The following ZBTB21 variants were observed in gnomAD, a reference collection of about 807,000 sequenced individuals.
ZBTB21 encodes zinc finger and BTB domain containing 21, also known as zinc finger and BTB domain-containing protein 21.
In ZBTB21, 10 loss-of-function variants were observed where a neutral mutation model predicts 39.8. That is an observed-to-expected ratio of 0.25 (90% CI 0.16 to 0.43). The LOEUF (loss-of-function observed/expected upper bound fraction) is 0.43, where lower values mean the gene tolerates loss of function less well. Among genes scored for constraint, ZBTB21 ranks in the 20% least tolerant of loss-of-function variants. The pLI, the probability that ZBTB21 is intolerant of heterozygous loss-of-function variation, is 1.00. For missense variants in ZBTB21, 1,221 were observed against 1,296.3 expected (o/e 0.94, Z 0.89); for synonymous variants, 551 against 498.8 (o/e 1.10, Z -1.40).
rs1456435834 is a variant in ZBTB21 at position 41,988,005 on chromosome 21, T to A, written c.*2890A>T. 1 of 152,140 alleles carries A rather than the reference T, an allele frequency of 6.6e-6. No individual in the cohort carries two copies. The highest frequency in any genetic ancestry group is 2.4e-5 in the African/African-American group (1 of 41,440). 9.4% of individuals were successfully genotyped at this position (152,140 alleles called of 1,614,324 possible). On this transcript the variant is annotated 3_prime_UTR_variant, in exon 3 of 3. Transcript: ENST00000310826. ...ACCAGAAAACCAAGAACATCACACA[T>A]CTCCCCACAAATGCAAAGAACATCA...
chr21:41,997,187 G>A (rs1473065503), intron 2 of ZBTB21, among the ~76,000 whole-genome samples: 1 of 152,160 alleles, frequency 6.6e-6, no homozygotes, highest in African/African-American at 2.4e-5. Flanking sequence ...CTCCCCAAGT[G>A]TTGGGATTAC....
intron 2 of ZBTB21, among the ~76,000 whole-genome samples, chr21:41,999,653 T>C (rs940890445): frequency 6.6e-6 from 1 of 152,204 alleles, no homozygotes; most frequent in African/African-American, 2.4e-5. Context: ...TACCAGAAAC[T>C]TCTCATGTCA....
chr21:41,993,537 T>C lies in ZBTB21; in HGVS notation c.559A>G (p.Asn187Asp). 2 of 1,614,202 alleles carry C rather than the reference T, an allele frequency of 1.2e-6. No individual in the cohort carries two copies. The highest frequency in any genetic ancestry group is 1.7e-6 in the Non-Finnish European group (2 of 1,180,034). Residue 187 changes from asparagine to aspartate, a missense_variant, in exon 3 of 3, where the codon AAT becomes GAT. Physicochemically the swap from Asn to Asp is conservative, Grantham distance 23 (BLOSUM62 1). This residue lies in a region of ZBTB21 where 500 missense variants were observed against 465.6 expected (regional missense o/e 1.07). Transcript: ENST00000310826. ...ATTGGTTTTGGGACATGTGGCTTAT[T>C]GGTATTGGCCTTGACTGCAATGCTA... is the stretch of plus-strand genomic sequence containing the variant. ...SPSIAVKANT[N>D]KPHVPKPIEP...
At chr21:42,003,811 C>T (rs544602813) in intron 1 of ZBTB21, among the ~76,000 whole-genome samples, 2 of 152,314 alleles carry the variant, frequency 1.3e-5, no homozygotes, top group South Asian at 2.1e-4. Flanking sequence ...CTACTATAGA[C>T]GCTTTTCAGA....
chr21:41,992,555 C>A lies in ZBTB21; in HGVS notation c.1541G>T (p.Gly514Val), dbSNP rs1477660116. 1 of 1,614,176 alleles carries A rather than the reference C, an allele frequency of 6.2e-7. No individual in the cohort carries two copies. The highest frequency in any genetic ancestry group is 1.1e-5 in the South Asian group (1 of 91,084). ...TGCATCAAGGAGAGTAGGGCTTGAG[C>A]CTTCCTCAAAATTATCTTCTGACAC... ...SPVSEDNFEE[G>V]SSPTLLDADF... is the part of the protein sequence containing the mutation. The change falls in exon 3 of 3, where the codon GGC (glycine) becomes GTC (valine). Residue 514 changes from glycine (G) to valine (V), a missense_variant. Transcript: ENST00000310826. This position sits in a 1 kb window ranked among gnomAD's most constrained non-coding sequence, Gnocchi z 4.1.
Position 41,991,787 on chromosome 21 carries a change from CA to C in ZBTB21, c.2308del (p.Cys770ValfsTer6). The C allele has an allele frequency of 1.2e-6, 2 of 1,614,238 alleles. No homozygotes were observed. Among genetic ancestry groups the C allele is most frequent in the Non-Finnish European group, 1.7e-6 (2 of 1,180,044 alleles). On this transcript the variant is annotated frameshift_variant, in exon 3 of 3. Coordinates refer to ENST00000310826, the MANE Select transcript of ZBTB21 (RefSeq NM_001098402.2). LOFTEE classifies it low-confidence loss of function (END_TRUNC). This position sits in a 1 kb window ranked among gnomAD's most constrained non-coding sequence, Gnocchi z 4.9. ...PELKQEHESK[C>X]EYKKLTCLEC... is the part of the protein sequence containing the mutation. ...GAGGCAGGTCAGCTTCTTATACTCA[CA>C]CTTGCTCTCGTGTTCTTGCTTCAGC... is the stretch of plus-strand genomic sequence containing the variant.
rs1304030464 is a variant in ZBTB21, at chr21:41,987,710, C to T, written c.*3185G>A. ...TGAAGTTCCAGATTACAGTTGTATACACACATGCATGCATGTGTGTACAAA... is the reference window on the plus strand; with the variant it reads ...TGAAGTTCCAGATTACAGTTGTATATACACATGCATGCATGTGTGTACAAA... On this transcript the variant is annotated 3_prime_UTR_variant, in exon 3 of 3. Coordinates refer to ENST00000310826, the MANE Select transcript of ZBTB21 (RefSeq NM_001098402.2). 1.3e-5 allele frequency: 2 copies of T among 151,808 alleles called. No homozygotes were observed. Among genetic ancestry groups the T allele is most frequent in the Non-Finnish European group, 2.9e-5 (2 of 67,870 alleles). The allele number at this position is 151,808 out of a possible 1,614,324, so 9.4% of individuals were successfully genotyped here. A position where few individuals can be genotyped will look rare whatever the true frequency, so the allele number is the denominator to read the frequency against.
At position 41,993,919 on chromosome 21, in the gene ZBTB21, G is replaced by A; in HGVS notation, c.177C>T (p.Phe59=). 2 of 1,614,102 alleles carry A rather than the reference G, an allele frequency of 1.2e-6. No homozygotes were observed. Among genetic ancestry groups the A allele is most frequent in the Admixed American group, 1.7e-5 (1 of 59,996 alleles). ...TTTGTGACTCATTTTCCTTATTTGT[G>A]AATAAACTCTGAAAGTATTCGCTGC... The part of the protein sequence containing the change: ...AASSEYFQSL[F]TNKENESQTV... Residue 59 remains phenylalanine, a synonymous_variant, in exon 3 of 3, where the codon TTC becomes TTT. Transcript: ENST00000310826.
In ZBTB21 at chr21:41,992,354, T is replaced by A. The variant is rs749547579; in HGVS notation, c.1742A>T (p.His581Leu). The part of the protein sequence containing the change: ...PEKPYACDIC[H>L]KRFHTNFKVW... ...TTTGAAGTTGGTGTGAAACCTCTTG[T>A]GACAGATGTCACAAGCGTAGGGCTT... Residue 581 changes from histidine to leucine, a missense_variant, in exon 3 of 3, where the codon CAC (histidine) becomes CTC (leucine). This residue lies in a region of ZBTB21 where 90 missense variants were observed against 133.1 expected (regional missense o/e 0.68). Coordinates refer to ENST00000310826, the MANE Select transcript of ZBTB21 (RefSeq NM_001098402.2). This position sits in a 1 kb window ranked among gnomAD's most constrained non-coding sequence, Gnocchi z 4.1. 1 of 1,614,242 alleles carries A rather than the reference T, an allele frequency of 6.2e-7. No homozygotes were observed.
Position 41,987,229 on chromosome 21 carries a change from T to G in ZBTB21, c.*3666A>C, listed in dbSNP as rs935336478. 1.3e-5 allele frequency: 2 copies of G among 152,204 alleles called. No individual in the cohort carries two copies. Among genetic ancestry groups the G allele is most frequent in the African/African-American group, 4.8e-5 (2 of 41,452 alleles). 9.4% of individuals were successfully genotyped at this position (152,204 alleles called of 1,614,324 possible). A position where few individuals can be genotyped will look rare whatever the true frequency, so the allele number is the denominator to read the frequency against. ...TTTAAAGATTTACAGTAAAATACTT[T>G]GGTTCCCAAAAGACTGTCTCTAAAA... On this transcript the variant is annotated 3_prime_UTR_variant, in exon 3 of 3. Coordinates refer to ENST00000310826, the MANE Select transcript of ZBTB21 (RefSeq NM_001098402.2).
In ZBTB21 at chr21:41,992,464, T is replaced by C. The variant is rs1433262907; in HGVS notation, c.1632A>G (p.Lys544=). The C allele has an allele frequency of 3.7e-6, 6 of 1,613,962 alleles. No individual in the cohort carries two copies. The African/African-American group carries it at 8.0e-5, about 22-fold the overall frequency. The change falls in exon 3 of 3, where the codon AAA becomes AAG. Residue 544 remains lysine, a synonymous_variant. Transcript: ENST00000310826. This position sits in a 1 kb window ranked among gnomAD's most constrained non-coding sequence, Gnocchi z 4.1. ...TAAGGCAATGTTTGCATTTAAATTT[T>C]TTGTTTGGTCTCGTCCCCTCCAACT... is the stretch of plus-strand genomic sequence containing the variant. ...FGELEGTRPN[K]KFKCKHCLKI...
Position 41,991,051 on chromosome 21 carries a change from T to G in ZBTB21, c.3045A>C (p.Thr1015=). The part of the protein sequence containing the change: ...TGLSENPTPA[T]EKLFVPQESD... ...ATTCTTGGGGCACAAACAGTTTTTC[T>G]GTGGCTGGAGTTGGGTTTTCGGACA... The change falls in exon 3 of 3, where the codon ACA becomes ACC. Residue 1015 remains threonine (T), a synonymous_variant. Transcript: ENST00000310826. This position sits in a 1 kb window ranked among gnomAD's most constrained non-coding sequence, Gnocchi z 4.9. 6.3e-7 allele frequency: 1 copy of G among 1,589,328 alleles called. No individual in the cohort carries two copies. Among genetic ancestry groups the G allele is most frequent in the Non-Finnish European group, 8.6e-7 (1 of 1,168,554 alleles).
At position 41,991,847 on chromosome 21, in the gene ZBTB21, C is replaced by T. The variant is rs2146279852; in HGVS notation, c.2249G>A (p.Cys750Tyr). 1.9e-6 allele frequency: 3 copies of T among 1,614,194 alleles called. No homozygotes were observed. Among genetic ancestry groups the T allele is most frequent in the Non-Finnish European group, 2.5e-6 (3 of 1,180,052 alleles). The change falls in exon 3 of 3, where the codon TGC (cysteine) becomes TAC (tyrosine). Residue 750 changes from cysteine (C) to tyrosine (Y), a missense_variant. Cys to Tyr is a radical substitution (Grantham distance 194). This residue lies in a region of ZBTB21 where 523 missense variants were observed against 542.5 expected (regional missense o/e 0.96). Transcript: ENST00000310826. This position sits in a 1 kb window ranked among gnomAD's most constrained non-coding sequence, Gnocchi z 4.9. ...GAAAAACCTGAGGCTGCAGTAAGGGCAGACGGCCGCGTTCCGGCACAGCCG... is the reference window on the plus strand; with the variant it reads ...GAAAAACCTGAGGCTGCAGTAAGGGTAGACGGCCGCGTTCCGGCACAGCCG... ...HERLCRNAAVCPYCSLRFFSP... is the reference protein window; with the variant it reads ...HERLCRNAAVYPYCSLRFFSP...
At chr21:42,006,461 T>G (rs1166238127) in intron 1 of ZBTB21, among the ~76,000 whole-genome samples, 1 of 151,942 alleles carries the variant, frequency 6.6e-6, no homozygotes, top group Non-Finnish European at 1.5e-5. Flanking sequence ...TTTCTTTCCC[T>G]TAGTTATTCC....
intron 2 of ZBTB21, among the ~76,000 whole-genome samples, chr21:42,002,056 C>T (rs981761854): frequency 2.0e-5 from 3 of 152,062 alleles, no homozygotes; most frequent in Non-Finnish European, 2.9e-5. Context: ...GAGGCATGAG[C>T]GCCCTGGGGG....
chr21:42,007,421 C>T (rs2065891914), intron 1 of ZBTB21, among the ~76,000 whole-genome samples: 1 of 152,184 alleles, frequency 6.6e-6, no homozygotes, highest in Admixed American at 6.5e-5. Context: ...GGTTACAATT[C>T]ATCTCTCCAC....
At chr21:42,002,196 C>T (rs1053707940) in intron 2 of ZBTB21, among the ~76,000 whole-genome samples, 1 of 152,310 alleles carries the variant, frequency 6.6e-6, no homozygotes, top group African/African-American at 2.4e-5. Context: ...GATCCCTCAC[C>T]TTCACATTAA....
At chr21:41,999,771 G>T (rs1241590574) in intron 2 of ZBTB21, among the ~76,000 whole-genome samples, 1 of 152,210 alleles carries the variant, frequency 6.6e-6, no homozygotes, top group African/African-American at 2.4e-5. Context: ...AAGGCAACAG[G>T]AGGGATGGAG....
rs2065598204 is a variant in ZBTB21, at chr21:41,987,814, C to T, written c.*3081G>A. The T allele has an allele frequency of 6.6e-6, 1 of 152,286 alleles. No individual in the cohort carries two copies. The highest frequency in any genetic ancestry group is 6.5e-5 in the Admixed American group (1 of 15,308). 9.4% of individuals were successfully genotyped at this position (152,286 alleles called of 1,614,324 possible). ...CCCTCACCCTGATCAGAGAGTTGGCCTTGTAGGTGCATCCACACCGCACCT... is the reference window on the plus strand; with the variant it reads ...CCCTCACCCTGATCAGAGAGTTGGCTTTGTAGGTGCATCCACACCGCACCT... On this transcript the variant is annotated 3_prime_UTR_variant, in exon 3 of 3. Coordinates refer to ENST00000310826, the MANE Select transcript of ZBTB21 (RefSeq NM_001098402.2).
Sources: gnomAD v4.1 joint callset for allele counts (sites outside exome capture counted in the v4.1 genomes callset) on GRCh38, gnomAD v4.1.1 for gene constraint, gnomAD v4.1.1 regional missense constraint, Gnocchi (gnomAD v3.1) non-coding constraint, MANE v1.5 for transcripts, NCBI Gene and HGNC (gene_info 2026-07-23, HGNC 2026-07-21) for gene names.